Variants in PCDH15 observed in about 807,000 individuals in gnomAD.
The protein encoded by PCDH15 is protocadherin-15.
In PCDH15, 129 loss-of-function variants were observed where a neutral mutation model predicts 178.5. The observed-to-expected ratio is 0.72, with a 90% confidence interval of 0.63 to 0.84. The LOEUF is 0.84. PCDH15 is among the 40% of genes least tolerant of loss of function. The pLI is 0.00. For missense variants in PCDH15, 2,230 were observed against 2,099.9 expected (o/e 1.06, Z -1.21); for synonymous variants, 800 against 732.0 (o/e 1.09, Z -1.50).
intron 1 of PCDH15, among the ~76,000 whole-genome samples, chr10:54,680,247 G>A (rs749488528): frequency 1.3e-5 from 2 of 152,134 alleles, no homozygotes; most frequent in African/African-American, 2.4e-5. Context: ...ATAGAAAAGA[G>A]TGTCTGGGGA....
At chr10:55,365,688 A>G (rs1209611496) in intron 2 of PCDH15, among the ~76,000 whole-genome samples, 1 of 152,036 alleles carries the variant, frequency 6.6e-6, no homozygotes, top group African/African-American at 2.4e-5. Flanking sequence ...GTTCCCCTGC[A>G]CAAGCTCTCT....
chr10:54,167,341 C>T (rs1167359936), intron 13 of PCDH15, among the ~76,000 whole-genome samples: 1 of 151,978 alleles, frequency 6.6e-6, no homozygotes, highest in East Asian at 1.9e-4. Flanking sequence ...TTCTCCTTTC[C>T]ACTCTTCAAT....
chr10:55,616,924 T>A (rs551286910), intron 2 of PCDH15, among the ~76,000 whole-genome samples: 280 of 152,172 alleles, frequency 1.8e-3, no homozygotes, highest in African/African-American at 6.5e-3. Flanking sequence ...AAGTACATTA[T>A]TATGTTACAT....
intron 2 of PCDH15, among the ~76,000 whole-genome samples, chr10:54,564,674 A>G (rs1292988331): frequency 2.0e-5 from 3 of 152,138 alleles, no homozygotes; most frequent in East Asian, 3.9e-4. Context: ...GCAGGTATCA[A>G]TATAACTCAG....
chr10:53,992,157 C>T (rs1311922381), intron 21 of PCDH15, among the ~76,000 whole-genome samples: 1 of 152,002 alleles, frequency 6.6e-6, no homozygotes, highest in African/African-American at 2.4e-5. Flanking sequence ...AGGAACAACT[C>T]CAGACGTGCT....
chr10:54,390,565 G>C (rs1237684862), intron 3 of PCDH15, among the ~76,000 whole-genome samples: 22 of 152,166 alleles, frequency 1.4e-4, no homozygotes, highest in Admixed American at 1.4e-3. Flanking sequence ...AAAGTGCTGG[G>C]ATTACAGGCG....
At chr10:54,627,635 T>C (rs2093593892) in intron 2 of PCDH15, among the ~76,000 whole-genome samples, 1 of 152,166 alleles carries the variant, frequency 6.6e-6, no homozygotes, top group Non-Finnish European at 1.5e-5. Flanking sequence ...TTATCAGCAG[T>C]GTGAAAATGG....
intron 14 of PCDH15, among the ~76,000 whole-genome samples, chr10:54,138,783 T>C (rs2043115335): frequency 6.6e-6 from 1 of 152,180 alleles, no homozygotes; most frequent in Admixed American, 6.6e-5. Context: ...CAAGAAAGTG[T>C]GGCTATGTAA....
intron 5 of PCDH15, among the ~76,000 whole-genome samples, chr10:54,367,096 A>C (rs944452914): frequency 5.3e-5 from 8 of 152,104 alleles, no homozygotes; most frequent in African/African-American, 1.9e-4. Context: ...TGAGACTTGC[A>C]TGGTAGGGAG....
At chr10:55,202,825 A>G (rs1840291980) in intron 1 of PCDH15, among the ~76,000 whole-genome samples, 1 of 152,048 alleles carries the variant, frequency 6.6e-6, no homozygotes, top group Non-Finnish European at 1.5e-5. Flanking sequence ...CTGCTTCGCT[A>G]TTCTCTCTCC....
intron 18 of PCDH15, among the ~76,000 whole-genome samples, chr10:54,039,687 C>G (rs2093497215): frequency 6.6e-6 from 1 of 151,858 alleles, no homozygotes; most frequent in Non-Finnish European, 1.5e-5. Flanking sequence ...ATAAACCATC[C>G]AACATCTGTA....
intron 3 of PCDH15, among the ~76,000 whole-genome samples, chr10:54,884,574 C>A (rs778249744): frequency 2.6e-5 from 4 of 151,512 alleles, no homozygotes; most frequent in Non-Finnish European, 4.4e-5. Context: ...CCCTCAGGAC[C>A]AGATTCTCAA....
At chr10:53,852,593 T>C (rs983050828) in intron 28 of PCDH15, among the ~76,000 whole-genome samples, 7 of 152,126 alleles carry the variant, frequency 4.6e-5, no homozygotes, top group Admixed American at 4.6e-4. Flanking sequence ...TTCCAGGTAC[T>C]GCGGTCTTAG....
intron 8 of PCDH15, among the ~76,000 whole-genome samples, chr10:54,280,244 C>T (rs2058603384): frequency 6.7e-6 from 1 of 149,902 alleles, no homozygotes; most frequent in Admixed American, 6.7e-5. Flanking sequence ...CATGTGGCTT[C>T]TGTGATTTTG....
intron 1 of PCDH15, among the ~76,000 whole-genome samples, chr10:55,206,038 C>T (rs1591988918): frequency 6.6e-6 from 1 of 152,062 alleles, no homozygotes; most frequent in East Asian, 1.9e-4. Context: ...AATGATCTCC[C>T]ACTGGTTCCT....
intron 13 of PCDH15, among the ~76,000 whole-genome samples, chr10:54,169,519 G>C (rs1362331208): frequency 7.0e-6 from 1 of 142,124 alleles, no homozygotes; most frequent in Non-Finnish European, 1.6e-5. Context: ...TTATTAGGCT[G>C]TGACACTTTA....
chr10:54,904,494 C>T (rs1025760077), intron 2 of PCDH15, among the ~76,000 whole-genome samples: 1 of 151,738 alleles, frequency 6.6e-6, no homozygotes, highest in Non-Finnish European at 1.5e-5. Context: ...CAGGTTGGAA[C>T]AAAATCTATA....
At chr10:54,472,727 A>G (rs1377396714) in intron 3 of PCDH15, among the ~76,000 whole-genome samples, 1 of 152,158 alleles carries the variant, frequency 6.6e-6, no homozygotes, top group Non-Finnish European at 1.5e-5. Flanking sequence ...GGTCAAAAGA[A>G]GATTTCAGAA....
intron 2 of PCDH15, among the ~76,000 whole-genome samples, chr10:55,517,824 A>G (rs1841057094): frequency 6.6e-6 from 1 of 152,038 alleles, no homozygotes; most frequent in African/African-American, 2.4e-5. Context: ...GGAACATACT[A>G]TTAATACTGA....
Sources: gnomAD v4.1 joint callset for allele counts (sites outside exome capture counted in the v4.1 genomes callset) on GRCh38, gnomAD v4.1.1 for gene constraint, MANE v1.5 for transcripts, NCBI Gene and HGNC (gene_info 2026-07-23, HGNC 2026-07-21) for gene names.